Variants in GAS2 observed in about 807,000 individuals in gnomAD.
GAS2 encodes the protein growth arrest-specific protein 2.
GAS2 carries 20 observed loss-of-function variants against 37.5 expected under a neutral mutation model. That is an observed-to-expected ratio of 0.53 (90% confidence interval 0.37 to 0.77). The LOEUF (loss-of-function observed/expected upper bound fraction) is 0.77, where lower values mean the gene tolerates loss of function less well. Ranked by LOEUF, GAS2 falls within the 30% of genes least tolerant of loss-of-function variation. The pLI, the probability that GAS2 is intolerant of heterozygous loss-of-function variation, is 0.00. For missense variants in GAS2, 336 were observed against 373.4 expected, an observed-to-expected ratio of 0.90 and a Z score of 0.82; for synonymous variants, 144 against 132.2, an observed-to-expected ratio of 1.09 and a Z score of -0.61.
chr11:22,792,328 T>C (rs533565690), intron 7 of GAS2, among the ~76,000 whole-genome samples: 19 of 152,316 alleles, frequency 1.2e-4, no homozygotes, highest in African/African-American at 4.3e-4. Flanking sequence ...GGGAATAATT[T>C]ATACACATTT....
At chr11:22,668,438 C>G (rs1446186622) in intron 1 of GAS2, 6 of 152,244 alleles carry the variant, frequency 3.9e-5, no homozygotes, top group Admixed American at 3.9e-4. Flanking sequence ...GAAAAGGTAG[C>G]TTGGATTTCA....
At position 22,715,243 on chromosome 11, in the gene GAS2, C is replaced by T. The variant is rs139732638; in HGVS notation, c.268-11049C>T. 1.2e-3 allele frequency among the ~76,000 whole-genome samples: 177 copies of T among 151,850 alleles called. 2 individuals carry two copies. Among genetic ancestry groups the T allele is most frequent in the African/African-American group, 3.6e-3 (151 of 41,462 alleles). On this transcript the variant is annotated intron_variant, in intron 3 of 7. Transcript: ENST00000454584. ...TTGGGAGGCCAAGGCAGGCGGATCA[C>T]CAGGTGAGGAGTTCAAGACCACCAT... is the stretch of plus-strand genomic sequence containing the variant.
At chr11:22,658,022 C>CT (rs561156577) in intron 1 of GAS2, among the ~76,000 whole-genome samples, 6,894 of 138,198 alleles carry the variant, frequency 0.05, 322 homozygotes, top group East Asian at 0.29. Context: ...ACACAATTTG[C>CT]TTTTTTTTTT....
intron 4 of GAS2, among the ~76,000 whole-genome samples, chr11:22,730,209 A>G (rs942583056): frequency 1.3e-5 from 2 of 151,878 alleles, no homozygotes; most frequent in Non-Finnish European, 2.9e-5. Flanking sequence ...AAAAATAGAT[A>G]GTAATTAGGT....
intron 7 of GAS2, among the ~76,000 whole-genome samples, chr11:22,803,118 G>A (rs1485875298): frequency 6.6e-6 from 1 of 152,076 alleles, no homozygotes; most frequent in African/African-American, 2.4e-5. Flanking sequence ...ATGCATTGAT[G>A]CTACTGGTCA....
chr11:22,778,650 T>G (rs190657469), intron 7 of GAS2, among the ~76,000 whole-genome samples: 2 of 152,270 alleles, frequency 1.3e-5, no homozygotes, highest in Non-Finnish European at 2.9e-5. Flanking sequence ...ATAGCAGATT[T>G]TTTAGGAAAT....
chr11:22,664,294 C>G (rs534795870), upstream of GAS2, among the ~76,000 whole-genome samples: 1 of 151,366 alleles, frequency 6.6e-6, no homozygotes, highest in East Asian at 1.9e-4. Flanking sequence ...GGGAGAAGGA[C>G]TAAGAGAGAA....
At chr11:22,669,334 G>T (rs142824424) in intron 1 of GAS2, among the ~76,000 whole-genome samples, 2,090 of 152,100 alleles carry the variant, frequency 0.014, 36 homozygotes, top group African/African-American at 0.048. Context: ...TCTGGTAGGG[G>T]TTAAAAAAAC....
chr11:22,675,102 A>G, intron 2 of GAS2, 88 bp downstream of exon 2: 1 of 1,274,548 alleles, frequency 7.8e-7, no homozygotes, highest in Non-Finnish European at 1.1e-6. Flanking sequence ...TAAGCATGTG[A>G]TAGCACCTTG....
At chr11:22,691,844 G>C (rs1850259915) in intron 3 of GAS2, among the ~76,000 whole-genome samples, 2 of 152,096 alleles carry the variant, frequency 1.3e-5, no homozygotes, top group Middle Eastern at 3.4e-3. Flanking sequence ...TGCTTCCTGA[G>C]GTTGAATTAT....
intron 7 of GAS2, among the ~76,000 whole-genome samples, chr11:22,796,567 T>C (rs1856438024): frequency 6.6e-6 from 1 of 152,186 alleles, no homozygotes; most frequent in Non-Finnish European, 1.5e-5. Context: ...TAGAAAGAAC[T>C]GAATGTATTT....
chr11:22,707,519 G>A (rs558308987), intron 3 of GAS2, among the ~76,000 whole-genome samples: 1 of 152,248 alleles, frequency 6.6e-6, no homozygotes, highest in South Asian at 2.1e-4. Context: ...TGTTTAGACA[G>A]ACCTCTGCTG....
intron 1 of GAS2, among the ~76,000 whole-genome samples, chr11:22,669,108 T>C (rs1322184570): frequency 3.3e-5 from 5 of 152,226 alleles, no homozygotes; most frequent in Non-Finnish European, 5.9e-5. Flanking sequence ...GTGTATATAT[T>C]TCCACAGAAT....
chr11:22,795,439 C>T (rs958651568), intron 7 of GAS2, among the ~76,000 whole-genome samples: 4 of 151,942 alleles, frequency 2.6e-5, no homozygotes, highest in Admixed American at 6.6e-5. Context: ...GCAATTTTTA[C>T]AGGGTGATTA....
intron 3 of GAS2, among the ~76,000 whole-genome samples, chr11:22,722,686 G>C (rs1005913550): frequency 6.6e-6 from 1 of 151,828 alleles, no homozygotes; most frequent in South Asian, 2.1e-4. Context: ...GAATTTTGAA[G>C]GCCCTGGGAA....
chr11:22,782,117 G>A (rs1002309746), intron 7 of GAS2, among the ~76,000 whole-genome samples: 1 of 152,166 alleles, frequency 6.6e-6, no homozygotes, highest in African/African-American at 2.4e-5. Context: ...GGAAGGAATT[G>A]TAAGATGGAA....
In GAS2 at chr11:22,737,686, C is replaced by G; in HGVS notation, c.410-19C>G. 6.2e-7 allele frequency: 1 copy of G among 1,613,440 alleles called. No individual in the cohort carries two copies. Among genetic ancestry groups the G allele is most frequent in the Non-Finnish European group, 8.5e-7 (1 of 1,179,410 alleles). ...ATTCCTTCTATTGTAAAGGTGTTCG[C>G]CTCTGTCTTGTCTTTCAGTCCTCCA... On this transcript the variant is annotated intron_variant, in intron 4 of 7. Coordinates refer to ENST00000454584, the MANE Select transcript of GAS2 (RefSeq NM_001143830.3).
intron 7 of GAS2, among the ~76,000 whole-genome samples, chr11:22,777,339 G>C (rs773902912): frequency 2.0e-5 from 3 of 152,114 alleles, no homozygotes; most frequent in Admixed American, 6.6e-5. Context: ...AGACCTCAAC[G>C]ATCAGTTTAA....
intron 1 of GAS2, among the ~76,000 whole-genome samples, chr11:22,659,390 G>A (rs1025708198): frequency 2.6e-5 from 4 of 152,104 alleles, no homozygotes; most frequent in African/African-American, 7.2e-5. Context: ...TATTCAGCCC[G>A]CTTAGGCTTG....
Sources: gnomAD v4.1 joint callset for allele counts (sites outside exome capture counted in the v4.1 genomes callset) on GRCh38, gnomAD v4.1.1 for gene constraint, MANE v1.5 for transcripts, NCBI Gene and HGNC (gene_info 2026-07-23, HGNC 2026-07-21) for gene names.